CDK14: variants seen among roughly 807,000 people sequenced by gnomAD.
CDK14 encodes cyclin dependent kinase 14.
A neutral mutation model predicts 60.7 loss-of-function variants in CDK14; 34 were observed. The observed-to-expected ratio is 0.56, with a 90% CI of 0.43 to 0.75. The LOEUF (loss-of-function observed/expected upper bound fraction) is 0.75. Ranked by LOEUF, CDK14 falls within the 30% of genes least tolerant of loss-of-function variation. CDK14 has a pLI of 0.00. For synonymous variants in CDK14, 197 were observed against 203.7 expected, an observed-to-expected ratio of 0.97 and a Z score of 0.28; for missense variants, 482 against 564.1, an observed-to-expected ratio of 0.85 and a Z score of 1.47.
At chr7:90,829,914 C>T (rs1222216028) in intron 5 of CDK14, among the ~76,000 whole-genome samples, 2 of 152,232 alleles carry the variant, frequency 1.3e-5, no homozygotes, top group African/African-American at 4.8e-5. Flanking sequence ...AGTGTGGGCT[C>T]CTAAGGCCTT....
chr7:90,931,480 G>A (rs958224914), intron 8 of CDK14, among the ~76,000 whole-genome samples: 3 of 152,170 alleles, frequency 2.0e-5, no homozygotes, highest in African/African-American at 7.2e-5. Context: ...CAAACAAGGT[G>A]CTCATTGGAC....
intron 6 of CDK14, among the ~76,000 whole-genome samples, chr7:90,888,169 G>T (rs1792009831): frequency 6.6e-6 from 1 of 152,076 alleles, no homozygotes; most frequent in African/African-American, 2.4e-5. Flanking sequence ...GGCCAGCATG[G>T]TGAACCCCCC....
At chr7:90,742,267 TA>T (rs928020466) in intron 3 of CDK14, among the ~76,000 whole-genome samples, 2 of 152,068 alleles carry the variant, frequency 1.3e-5, no homozygotes, top group African/African-American at 4.8e-5. Context: ...TTATTCTGTT[TA>T]TTGTGTCTTA....
intron 2 of CDK14, among the ~76,000 whole-genome samples, chr7:90,639,883 A>G (rs1044515980): frequency 6.6e-6 from 1 of 152,188 alleles, no homozygotes; most frequent in Non-Finnish European, 1.5e-5. Flanking sequence ...CTGCTGTGCT[A>G]GCAATCGGCG....
intron 7 of CDK14, among the ~76,000 whole-genome samples, chr7:90,906,414 T>C (rs765975470): frequency 4.6e-5 from 7 of 152,116 alleles, no homozygotes; most frequent in Non-Finnish European, 1.0e-4. Flanking sequence ...GCTCTATGTT[T>C]GCTAAACACT....
intron 4 of CDK14, among the ~76,000 whole-genome samples, chr7:90,764,551 A>T (rs538500494): frequency 6.6e-6 from 1 of 152,286 alleles, no homozygotes; most frequent in Admixed American, 6.5e-5. Flanking sequence ...AAAATCTAGG[A>T]TTGCAATTTG....
intron 14 of CDK14, among the ~76,000 whole-genome samples, chr7:91,185,410 G>A (rs546596628): frequency 6.8e-6 from 1 of 148,062 alleles, no homozygotes; most frequent in East Asian, 1.9e-4. Flanking sequence ...AGTAACACAT[G>A]TTCAGTATAT....
intron 2 of CDK14, among the ~76,000 whole-genome samples, chr7:90,711,123 G>A (rs965880340): frequency 6.6e-6 from 1 of 151,918 alleles, no homozygotes; most frequent in Non-Finnish European, 1.5e-5. Context: ...TACAGAACTG[G>A]CATGTAGCCA....
intron 3 of CDK14, among the ~76,000 whole-genome samples, chr7:90,734,647 T>A (rs1803011675): frequency 6.8e-6 from 1 of 146,972 alleles, no homozygotes; most frequent in South Asian, 2.2e-4. Flanking sequence ...TGTGCTATGT[T>A]TGTCAGCTCC....
rs1799249614 is a variant in CDK14, at chr7:91,105,117, A to G, written c.1155-7425A>G. Among the ~76,000 whole-genome samples the G allele has an allele frequency of 2.0e-5, 3 of 152,218 alleles. No homozygotes were observed. In the South Asian group the frequency reaches 6.2e-4, roughly 32 times the overall value. On this transcript the variant is annotated intron_variant, in intron 12 of 14. Transcript: ENST00000380050. ...GATGCGCAGCTGAACCAAGAAGAAA[A>G]TAAGTAAAATCTCCAGAAAGGCCAA...
At chr7:91,194,541 G>T (rs992283272) in intron 14 of CDK14, among the ~76,000 whole-genome samples, 1 of 150,404 alleles carries the variant, frequency 6.6e-6, no homozygotes, top group African/African-American at 2.4e-5. Flanking sequence ...TAAATCACCA[G>T]ATTTTTTTTT....
intron 14 of CDK14, among the ~76,000 whole-genome samples, chr7:91,142,625 A>C (rs1800502961): frequency 6.6e-6 from 1 of 152,198 alleles, no homozygotes; most frequent in African/African-American, 2.4e-5. Flanking sequence ...TAATAATTGT[A>C]TGGCATTTAA....
chr7:90,825,414 A>G (rs1286456803), intron 5 of CDK14, among the ~76,000 whole-genome samples: 1 of 152,202 alleles, frequency 6.6e-6, no homozygotes, highest in African/African-American at 2.4e-5. Context: ...TTTGCAAATC[A>G]TTTCTTAAAG....
chr7:90,597,833 G>GTTTTTT (rs11351927), intron 1 of CDK14, among the ~76,000 whole-genome samples: 1 of 138,608 alleles, frequency 7.2e-6, no homozygotes, highest in Non-Finnish European at 1.6e-5. Flanking sequence ...ATTTAGCCAA[G>GTTTTTT]TTTTTTTTTT....
intron 2 of CDK14, among the ~76,000 whole-genome samples, chr7:90,621,994 T>G (rs544208644): frequency 9.2e-5 from 14 of 152,198 alleles, no homozygotes; most frequent in Non-Finnish European, 1.8e-4. Flanking sequence ...TGAAAGTTGC[T>G]TGCATTTGAT....
chr7:90,695,985 G>A (rs1205789087), intron 2 of CDK14, among the ~76,000 whole-genome samples: 1 of 152,174 alleles, frequency 6.6e-6, no homozygotes, highest in Non-Finnish European at 1.5e-5. Context: ...TGTGTAGAAT[G>A]TAGACTGCAT....
At chr7:90,959,026 T>A (rs1794519043) in intron 9 of CDK14, among the ~76,000 whole-genome samples, 1 of 152,198 alleles carries the variant, frequency 6.6e-6, no homozygotes, top group Admixed American at 6.5e-5. Context: ...CTACTTTTTC[T>A]TGCCCGTGTG....
At chr7:91,033,838 A>G (rs1446350600) in intron 10 of CDK14, among the ~76,000 whole-genome samples, 1 of 152,196 alleles carries the variant, frequency 6.6e-6, no homozygotes, top group Non-Finnish European at 1.5e-5. Flanking sequence ...AAGCTGTGTC[A>G]CAATAACATC....
intron 3 of CDK14, among the ~76,000 whole-genome samples, chr7:90,729,655 T>A (rs573724279): frequency 1.2e-4 from 18 of 151,808 alleles, no homozygotes; most frequent in Admixed American, 5.9e-4. Flanking sequence ...TGACTTTTTT[T>A]AATATATATT....
Sources: gnomAD v4.1 joint callset for allele counts (sites outside exome capture counted in the v4.1 genomes callset) on GRCh38, gnomAD v4.1.1 for gene constraint, MANE v1.5 for transcripts, NCBI Gene and HGNC (gene_info 2026-07-23, HGNC 2026-07-21) for gene names.